OVOL2: variants seen among roughly 807,000 people sequenced by gnomAD.
OVOL2 encodes the protein transcription factor Ovo-like 2.
A neutral mutation model predicts 18.1 loss-of-function variants in OVOL2; 13 were observed. The ratio of observed to expected loss-of-function variants is 0.72; its 90% CI spans 0.47 to 1.14. OVOL2 has a LOEUF of 1.14. OVOL2 is among the 50% of genes most tolerant of loss of function. The pLI is 0.00. For synonymous variants in OVOL2, 166 were observed against 162.7 expected, an observed-to-expected ratio of 1.02 and a Z score of -0.16; for missense variants, 335 against 383.0, an observed-to-expected ratio of 0.87 and a Z score of 1.05.
intron 3 of OVOL2, among the ~76,000 whole-genome samples, chr20:18,034,407 C>T (rs2036596710): frequency 2.6e-5 from 4 of 152,182 alleles, no homozygotes; most frequent in Non-Finnish European, 4.4e-5. Flanking sequence ...CAGCTAACAG[C>T]AAAACCCATG....
intron 2 of OVOL2, among the ~76,000 whole-genome samples, chr20:18,052,314 C>A (rs2036777908): frequency 6.6e-6 from 1 of 152,174 alleles, no homozygotes; most frequent in Admixed American, 6.5e-5. Context: ...TTATGTGGAC[C>A]TGATTAAGCA....
In OVOL2 at chr20:18,027,000, C is replaced by T. The variant is rs186791939; in HGVS notation, c.512-2048G>A. On this transcript the variant is annotated intron_variant, in intron 3 of 3. Transcript: ENST00000278780. Reference sequence around the variant, plus strand: ...CTGAGAAACTCCCCATTGGGTACTACGCGCACTACCTGGGTGACGGGATCA... The same window carrying T: ...CTGAGAAACTCCCCATTGGGTACTATGCGCACTACCTGGGTGACGGGATCA... Among the ~76,000 whole-genome samples, 277 of 152,264 alleles carry T rather than the reference C, an allele frequency of 1.8e-3. 3 individuals are homozygous for T. Among genetic ancestry groups the T allele is most frequent in the African/African-American group, 6.3e-3 (262 of 41,544 alleles).
At chr20:18,041,902 C>CA (rs2036673985) in intron 2 of OVOL2, among the ~76,000 whole-genome samples, 179 bp from the exon 3 acceptor site, 1 of 135,940 alleles carries the variant, frequency 7.4e-6, no homozygotes, top group Non-Finnish European at 1.7e-5. Flanking sequence ...TTCCTCCCAC[C>CA]CTTTTTTTTT....
chr20:18,056,649 C>A lies in OVOL2; in HGVS notation c.321+8G>T, dbSNP rs1568641840. 7.0e-7 allele frequency: 1 copy of A among 1,421,236 alleles called. No individual in the cohort carries two copies. Among genetic ancestry groups the A allele is most frequent in the East Asian group, 3.0e-5 (1 of 33,408 alleles). The allele number at this position is 1,421,236 out of a possible 1,614,324, so 88.0% of individuals were successfully genotyped here. On this transcript the variant is annotated splice_region_variant and intron_variant, in intron 2 of 3. Transcript: ENST00000278780. The surrounding 1 kb of genome is among the most constrained non-coding windows in gnomAD (Gnocchi z 4.2). ...CAGGTGGCGGCGGGGGCAGAGTCGACACAGTACCTTGATTTTCGATCTGGC... is the reference window on the plus strand; with the variant it reads ...CAGGTGGCGGCGGGGGCAGAGTCGAAACAGTACCTTGATTTTCGATCTGGC...
At chr20:18,025,787 C>T (rs1015002458) in intron 3 of OVOL2, among the ~76,000 whole-genome samples, 1 of 152,232 alleles carries the variant, frequency 6.6e-6, no homozygotes, top group South Asian at 2.1e-4. Flanking sequence ...GTGTGGCACA[C>T]ACCTTGGCGT....
intron 3 of OVOL2, among the ~76,000 whole-genome samples, chr20:18,038,775 C>A (rs1209459390): frequency 2.0e-5 from 3 of 152,012 alleles, no homozygotes; most frequent in Non-Finnish European, 4.4e-5. Flanking sequence ...GCTGAGACAC[C>A]CTCCAGGGCC....
intron 3 of OVOL2, among the ~76,000 whole-genome samples, chr20:18,032,599 C>T (rs1358776170): frequency 2.0e-5 from 3 of 152,092 alleles, no homozygotes; most frequent in Non-Finnish European, 4.4e-5. Context: ...CTCTGCCTCT[C>T]GAGTTCAAGC....
In OVOL2 at chr20:18,024,576, A is replaced by G; in HGVS notation, c.*60T>C. 6.7e-7 allele frequency: 1 copy of G among 1,482,624 alleles called. No homozygotes were observed. The allele number at this position is 1,482,624 out of a possible 1,614,324, so 91.8% of individuals were successfully genotyped here. A position where few individuals can be genotyped will look rare whatever the true frequency, so the allele number is the denominator to read the frequency against. On this transcript the variant is annotated 3_prime_UTR_variant, in exon 4 of 4. Coordinates refer to ENST00000278780, the MANE Select transcript of OVOL2 (RefSeq NM_021220.4). ...GCCAGTGGGGTGGGGGAAGCTGAAA[A>G]CCAAAAATCCACGTAGACATACGTG...
intron 3 of OVOL2, among the ~76,000 whole-genome samples, chr20:18,037,447 T>C (rs549377496): frequency 7.9e-5 from 12 of 152,368 alleles, no homozygotes; most frequent in South Asian, 4.1e-4. Context: ...TGACCGTGTG[T>C]GGCTTGCTTC....
At chr20:18,044,413 T>C (rs2036705798) in intron 2 of OVOL2, among the ~76,000 whole-genome samples, 1 of 152,210 alleles carries the variant, frequency 6.6e-6, no homozygotes. Flanking sequence ...CTAGGGCCAG[T>C]GCACAATCAG....
intron 3 of OVOL2, among the ~76,000 whole-genome samples, chr20:18,032,174 G>A (rs961969571): frequency 1.1e-4 from 17 of 151,608 alleles, no homozygotes; most frequent in Non-Finnish European, 4.4e-5. Context: ...ATATACTCAT[G>A]GTAGGATTGC....
upstream of OVOL2, among the ~76,000 whole-genome samples, chr20:18,058,434 T>G (rs1183982145): frequency 7.0e-6 from 1 of 141,906 alleles, no homozygotes; most frequent in East Asian, 2.3e-4. Flanking sequence ...AAAAATAAAT[T>G]TAAAAATTCG....
intron 3 of OVOL2, among the ~76,000 whole-genome samples, chr20:18,039,607 C>CAAAAAAAAAAAAAAAA (rs111619803): frequency 4.6e-5 from 4 of 87,028 alleles, no homozygotes; most frequent in African/African-American, 1.6e-4. Flanking sequence ...GACGCTGTCT[C>CAAAAAAAAAAAAAAAA]AAAAAAAAAA....
chr20:18,055,539 T>C (rs1600454685), intron 2 of OVOL2, among the ~76,000 whole-genome samples: 1 of 152,144 alleles, frequency 6.6e-6, no homozygotes, highest in African/African-American at 2.4e-5. Flanking sequence ...TTCCTTTGGA[T>C]CCCAGCTGAA....
chr20:18,029,324 C>T (rs569144779), intron 3 of OVOL2, among the ~76,000 whole-genome samples: 38 of 152,186 alleles, frequency 2.5e-4, no homozygotes, highest in East Asian at 2.3e-3. Context: ...CCACCACGCC[C>T]GGCCTACATA....
At chr20:18,031,262 G>A (rs1485390643) in intron 3 of OVOL2, among the ~76,000 whole-genome samples, 4 of 152,188 alleles carry the variant, frequency 2.6e-5, no homozygotes, top group African/African-American at 9.7e-5. Context: ...TGTCACAGGG[G>A]TGTCATAGCT....
intron 2 of OVOL2, among the ~76,000 whole-genome samples, chr20:18,044,074 A>T (rs960891574): frequency 6.6e-6 from 1 of 152,122 alleles, no homozygotes; most frequent in Non-Finnish European, 1.5e-5. Flanking sequence ...ACTGCAGCCC[A>T]TGACTAAACT....
intron 2 of OVOL2, among the ~76,000 whole-genome samples, chr20:18,055,916 C>T (rs62205089): frequency 2.6e-5 from 4 of 152,334 alleles, no homozygotes; most frequent in Non-Finnish European, 4.4e-5. Context: ...TTGAGCAGAC[C>T]ATCATGGAAG....
chr20:18,051,827 G>A (rs6136268), intron 2 of OVOL2, among the ~76,000 whole-genome samples: 12,463 of 152,092 alleles, frequency 0.082, 1,224 homozygotes, highest in African/African-American at 0.23. Context: ...CCACCTCCTG[G>A]GTTCAAGCGA....
Sources: gnomAD v4.1 joint callset for allele counts (sites outside exome capture counted in the v4.1 genomes callset) on GRCh38, gnomAD v4.1.1 for gene constraint, Gnocchi (gnomAD v3.1) non-coding constraint, MANE v1.5 for transcripts, NCBI Gene and HGNC (gene_info 2026-07-23, HGNC 2026-07-21) for gene names.